Variants in ZNF521 observed in about 807,000 individuals in gnomAD.
ZNF521 encodes LYST-interacting protein 3.
A neutral mutation model predicts 105.5 loss-of-function variants in ZNF521; 14 were observed. The ratio of observed to expected loss-of-function variants is 0.13; its 90% CI spans 0.09 to 0.21. ZNF521 has a LOEUF of 0.21. Among genes scored for constraint, ZNF521 ranks in the 10% least tolerant of loss-of-function variants. The pLI is 1.00. For synonymous variants in ZNF521, 635 were observed against 606.0 expected (o/e 1.05, Z -0.70); for missense variants, 1,233 against 1,629.7 (o/e 0.76, Z 4.19).
chr18:25,160,676 C>T (rs4638666), intron 5 of ZNF521, among the ~76,000 whole-genome samples: 66,350 of 151,984 alleles, frequency 0.44, 14,668 homozygotes, highest in South Asian at 0.58. Context: ...TGTACATTCC[C>T]GTGGTGAGAA....
chr18:25,260,964 C>T lies in ZNF521; in HGVS notation c.221-33267G>A, dbSNP rs535305855. On this transcript the variant is annotated intron_variant, in intron 3 of 7. Transcript: ENST00000361524. ...GGCACAATTTCAACAGAGTAAAATA[C>T]GAAAACCTGGAAACCTTTTCTTCAG... is the stretch of plus-strand genomic sequence containing the variant. 3.9e-5 allele frequency among the ~76,000 whole-genome samples: 6 copies of T among 152,220 alleles called. No homozygotes were observed. The South Asian group carries it at 1.0e-3, about 26-fold the overall frequency.
intron 5 of ZNF521, among the ~76,000 whole-genome samples, chr18:25,094,681 A>T (rs2033816216): frequency 6.6e-6 from 1 of 152,140 alleles, no homozygotes; most frequent in Admixed American, 6.5e-5. Context: ...CATAGGAGAG[A>T]AAATATATAT....
chr18:25,274,389 G>C (rs967357542), intron 3 of ZNF521, among the ~76,000 whole-genome samples: 1 of 152,186 alleles, frequency 6.6e-6, no homozygotes, highest in African/African-American at 2.4e-5. Flanking sequence ...TCCTCCCAGA[G>C]TCAGCTGACT....
chr18:25,291,734 T>C (rs1271079319), intron 3 of ZNF521, among the ~76,000 whole-genome samples: 1 of 152,160 alleles, frequency 6.6e-6, no homozygotes. Context: ...CGGCATACTA[T>C]ATTTGCAATT....
intron 3 of ZNF521, among the ~76,000 whole-genome samples, chr18:25,274,116 T>C (rs1444873125): frequency 6.6e-6 from 1 of 152,198 alleles, no homozygotes; most frequent in Non-Finnish European, 1.5e-5. Context: ...TCTTCCATGA[T>C]GCAGACACAC....
chr18:25,284,055 A>G (rs576315534), intron 3 of ZNF521, among the ~76,000 whole-genome samples: 1 of 152,242 alleles, frequency 6.6e-6, no homozygotes, highest in South Asian at 2.1e-4. Context: ...GGTAGTGTTC[A>G]GTCCCAGGAG....
chr18:25,081,505 C>A (rs1599982455), intron 7 of ZNF521, among the ~76,000 whole-genome samples: 1 of 152,144 alleles, frequency 6.6e-6, no homozygotes, highest in East Asian at 1.9e-4. Context: ...ATATTAACCA[C>A]TTGATTCTTG....
At chr18:25,282,296 G>A (rs933724616) in intron 3 of ZNF521, among the ~76,000 whole-genome samples, 27 of 152,098 alleles carry the variant, frequency 1.8e-4, no homozygotes, top group African/African-American at 6.3e-4. Context: ...AAAGGAGGAG[G>A]GCCAGAGAGG....
At chr18:25,333,975 G>T (rs567614193) in intron 2 of ZNF521, among the ~76,000 whole-genome samples, 1 of 152,244 alleles carries the variant, frequency 6.6e-6, no homozygotes, top group African/African-American at 2.4e-5. Context: ...TGACCTTTGA[G>T]TAACAGCACG....
At position 25,227,664 on chromosome 18, in the gene ZNF521, G is replaced by C; in HGVS notation, c.254C>G (p.Ser85Cys). 6.2e-7 allele frequency: 1 copy of C among 1,613,724 alleles called. No individual in the cohort carries two copies. Among genetic ancestry groups the C allele is most frequent in the Non-Finnish European group, 8.5e-7 (1 of 1,179,800 alleles). ...GVDVEDDPTC[S>C]WPASSPSSKD... Reference sequence around the variant, plus strand: ...GCTAGAAGGTGAGGAAGCTGGCCAAGAGCAAGTCGGATCATCTTCAACATC... The same window carrying C: ...GCTAGAAGGTGAGGAAGCTGGCCAACAGCAAGTCGGATCATCTTCAACATC... Residue 85 changes from serine to cysteine, a missense_variant, in exon 4 of 8, where the codon TCT becomes TGT. Around this residue, in one of 6 missense-constraint regions of ZNF521, gnomAD observed 85 missense variants for 162.2 expected, o/e 0.52. Transcript: ENST00000361524. This position sits in a 1 kb window ranked among gnomAD's most constrained non-coding sequence, Gnocchi z 5.7.
rs191414784 is a variant in ZNF521, at chr18:25,257,727, G to A, written c.221-30030C>T. 2.9e-3 allele frequency among the ~76,000 whole-genome samples: 436 copies of A among 152,288 alleles called. 1 individual carries two copies. Among genetic ancestry groups the A allele is most frequent in the Non-Finnish European group, 4.0e-3 (270 of 68,022 alleles). On this transcript the variant is annotated intron_variant, in intron 3 of 7. Transcript: ENST00000361524. ...CCAACCTATCAGAGATGCTTGTTGA[G>A]TATCAAATGCATATTTTCAAATTCC...
rs9966616 is a variant in ZNF521, at chr18:25,099,210, T to C, written c.3659-7129A>G. Among the ~76,000 whole-genome samples the C allele has an allele frequency of 1.2e-3, 185 of 152,230 alleles. 1 individual carries two copies. The highest frequency in any genetic ancestry group is 4.2e-3 in the African/African-American group (176 of 41,496). The stretch of plus-strand genomic sequence containing the variant: ...ATTTATTGAATTCATGGGAAATAAC[T>C]ACTTAGCAAACCCTATATTTAATTT... On this transcript the variant is annotated intron_variant, in intron 5 of 7. Transcript: ENST00000361524.
intron 3 of ZNF521, among the ~76,000 whole-genome samples, chr18:25,253,031 C>A (rs769993906): frequency 1.3e-5 from 2 of 152,146 alleles, no homozygotes; most frequent in Non-Finnish European, 2.9e-5. Flanking sequence ...AGAATACAGG[C>A]ACTTTTACAA....
At chr18:25,234,949 T>G (rs1970294971) in intron 3 of ZNF521, among the ~76,000 whole-genome samples, 1 of 152,132 alleles carries the variant, frequency 6.6e-6, no homozygotes, top group African/African-American at 2.4e-5. Flanking sequence ...TTAACAATAT[T>G]ATTATTCTTG....
chr18:25,347,296 G>A (rs1914505508), intron 2 of ZNF521, among the ~76,000 whole-genome samples: 1 of 152,072 alleles, frequency 6.6e-6, no homozygotes, highest in Admixed American at 6.5e-5. Context: ...CTAATAACTG[G>A]CTTCAATTCT....
chr18:25,269,846 C>T (rs1260767030), intron 3 of ZNF521, among the ~76,000 whole-genome samples: 1 of 152,090 alleles, frequency 6.6e-6, no homozygotes, highest in East Asian at 1.9e-4. Context: ...CAGGAAAGAA[C>T]TAAAACTGAC....
At chr18:25,283,531 T>A (rs1297070303) in intron 3 of ZNF521, among the ~76,000 whole-genome samples, 1 of 152,218 alleles carries the variant, frequency 6.6e-6, no homozygotes, top group Non-Finnish European at 1.5e-5. Context: ...AAACACCAAC[T>A]ATACCCCCTC....
intron 5 of ZNF521, among the ~76,000 whole-genome samples, chr18:25,093,379 A>G (rs2033788774): frequency 6.6e-6 from 1 of 152,178 alleles, no homozygotes; most frequent in Admixed American, 6.5e-5. Context: ...AAATGCTACT[A>G]AGACATTCTA....
chr18:25,110,372 C>T (rs920566453), intron 5 of ZNF521, among the ~76,000 whole-genome samples: 3 of 151,682 alleles, frequency 2.0e-5, no homozygotes, highest in Non-Finnish European at 2.9e-5. Context: ...GATCCAAAAT[C>T]CCAAAAGTGT....
Sources: gnomAD v4.1 joint callset for allele counts (sites outside exome capture counted in the v4.1 genomes callset) on GRCh38, gnomAD v4.1.1 for gene constraint, gnomAD v4.1.1 regional missense constraint, Gnocchi (gnomAD v3.1) non-coding constraint, MANE v1.5 for transcripts, NCBI Gene and HGNC (gene_info 2026-07-23, HGNC 2026-07-21) for gene names.